PPM1A: variants seen among roughly 807,000 people sequenced by gnomAD.
PPM1A encodes the protein protein phosphatase 1A.
Under a neutral mutation model 35.0 loss-of-function variants are expected in PPM1A, and 7 were observed. The ratio of observed to expected loss-of-function variants is 0.20; its 90% CI spans 0.11 to 0.38. The LOEUF (loss-of-function observed/expected upper bound fraction) is 0.38, where lower values mean the gene tolerates loss of function less well. Ranked by LOEUF, PPM1A falls within the 10% of genes least tolerant of loss-of-function variation. The probability of loss-of-function intolerance (pLI) is 1.00; values close to 1 mark genes in which losing one functional copy is unlikely to be tolerated. For synonymous variants in PPM1A, 153 were observed against 167.3 expected (o/e 0.91, Z 0.66); for missense variants, 239 against 467.8 (o/e 0.51, Z 4.51).
At chr14:60,285,440 T>C (rs1262864558) in intron 2 of PPM1A, among the ~76,000 whole-genome samples, 184 bp from the exon 3 acceptor site, 2 of 151,138 alleles carry the variant, frequency 1.3e-5, no homozygotes, top group Admixed American at 1.3e-4. Context: ...TCTATACTGT[T>C]CGGGGGAGGG....
At chr14:60,277,091 G>T in intron 1 of PPM1A, 1 of 1,147,226 alleles carries the variant, frequency 8.7e-7, no homozygotes. Context: ...TTTATGACTA[G>T]GTGAGAACTA....
In PPM1A at chr14:60,293,495, T is replaced by C. The variant is rs1887827382; in HGVS notation, c.*1013T>C. 1 of 152,052 alleles carries C rather than the reference T, an allele frequency of 6.6e-6. No individual in the cohort carries two copies. The highest frequency in any genetic ancestry group is 2.4e-5 in the African/African-American group (1 of 41,420). 9.4% of individuals were successfully genotyped at this position (152,052 alleles called of 1,614,324 possible). A position where few individuals can be genotyped will look rare whatever the true frequency, so the allele number is the denominator to read the frequency against. ...GTCACTCAAGGCATAGATGAAACTT[T>C]CCTTCCATTAGAAAGACTAAAAGAT... is the stretch of plus-strand genomic sequence containing the variant. On this transcript the variant is annotated 3_prime_UTR_variant, in exon 6 of 6. Transcript: ENST00000395076. The surrounding 1 kb of genome is among the most constrained non-coding windows in gnomAD (Gnocchi z 4.0).
chr14:60,290,817 A>G (rs1245729437), intron 4 of PPM1A, among the ~76,000 whole-genome samples: 2 of 152,210 alleles, frequency 1.3e-5, no homozygotes, highest in South Asian at 2.1e-4. Context: ...GAAACGATCT[A>G]TAAAATTGCT....
intron 1 of PPM1A, among the ~76,000 whole-genome samples, chr14:60,262,556 C>T (rs1486474847): frequency 6.6e-6 from 1 of 152,138 alleles, no homozygotes; most frequent in Non-Finnish European, 1.5e-5. Context: ...CGTGGTGGCA[C>T]ATCTATACTC....
At position 60,287,030 on chromosome 14, in the gene PPM1A, GAAT is replaced by G. The variant is rs1279372183; in HGVS notation, c.952+1294_952+1296del. 2.3e-5 allele frequency: 21 copies of G among 927,514 alleles called. No homozygotes were observed. In the East Asian group the frequency reaches 7.1e-4, roughly 31 times the overall value. The allele number at this position is 927,514 out of a possible 1,614,324, so 57.5% of individuals were successfully genotyped here. On this transcript the variant is annotated intron_variant, in intron 3 of 5. Coordinates refer to ENST00000395076, the MANE Select transcript of PPM1A (RefSeq NM_021003.5). ...TTCATGGGAAAATTTAAATTCATAA[GAAT>G]AATATGTATAGGGATAAGTTGATAT...
At chr14:60,279,031 G>A (rs535614958) in intron 1 of PPM1A, among the ~76,000 whole-genome samples, 8 of 152,188 alleles carry the variant, frequency 5.3e-5, no homozygotes, top group Non-Finnish European at 1.2e-4. Flanking sequence ...GTGCACCTCA[G>A]CTTAGTAAAT....
intron 3 of PPM1A, 53 bp downstream of exon 3, chr14:60,285,794 C>T (rs777555623): frequency 6.3e-7 from 1 of 1,595,044 alleles, no homozygotes; most frequent in Non-Finnish European, 8.5e-7. Context: ...ATCTTCAACA[C>T]AATCAAACTT....
chr14:60,267,032 T>C (rs1222840472), intron 1 of PPM1A, among the ~76,000 whole-genome samples: 2 of 152,336 alleles, frequency 1.3e-5, no homozygotes, highest in East Asian at 3.9e-4. Context: ...TTAATCATTT[T>C]CATATATGGT....
rs943356211 is a variant in PPM1A, at chr14:60,298,445, A to G, written c.*5963A>G. On this transcript the variant is annotated 3_prime_UTR_variant, in exon 6 of 6. Coordinates refer to ENST00000395076, the MANE Select transcript of PPM1A (RefSeq NM_021003.5). ...AATGCACACAGTTAATGAGATTTCTAAAATATAATAAGTACAATGTAACAA... is the reference window on the plus strand; with the variant it reads ...AATGCACACAGTTAATGAGATTTCTGAAATATAATAAGTACAATGTAACAA... 1 of 151,794 alleles carries G rather than the reference A, an allele frequency of 6.6e-6. No individual in the cohort carries two copies. Among genetic ancestry groups the G allele is most frequent in the African/African-American group, 2.4e-5 (1 of 41,422 alleles). 9.4% of individuals were successfully genotyped at this position (151,794 alleles called of 1,614,324 possible).
At position 60,249,826 on chromosome 14, in the gene PPM1A, G is replaced by C; in HGVS notation, c.-21+149G>C. The C allele has an allele frequency of 3.1e-6, 1 of 323,142 alleles. No homozygotes were observed. The highest frequency in any genetic ancestry group is 4.5e-6 in the Non-Finnish European group (1 of 224,472). 20.0% of individuals were successfully genotyped at this position (323,142 alleles called of 1,614,324 possible). On this transcript the variant is annotated intron_variant, in intron 1 of 5. Transcript: ENST00000395076. The surrounding 1 kb of genome is among the most constrained non-coding windows in gnomAD (Gnocchi z 4.5). ...ACGCGACAACTCCACCCCCTGGCCG[G>C]CCTCCTCCCCCGAGCCGGGCGGCGG...
At chr14:60,275,642 A>G (rs1019999993) in intron 1 of PPM1A, among the ~76,000 whole-genome samples, 38 of 152,126 alleles carry the variant, frequency 2.5e-4, no homozygotes, top group Admixed American at 8.5e-4. Flanking sequence ...ATGCACCACT[A>G]TGCCCCGCTA....
Position 60,296,873 on chromosome 14 carries a change from C to G in PPM1A, c.*4391C>G, listed in dbSNP as rs1172868713. On this transcript the variant is annotated 3_prime_UTR_variant, in exon 6 of 6. Transcript: ENST00000395076. This position sits in a 1 kb window ranked among gnomAD's most constrained non-coding sequence, Gnocchi z 4.4. The stretch of plus-strand genomic sequence containing the variant: ...CGTTTTCTAATTTTGTTCACAGATT[C>G]TTTCCCTTTCGATTGTTCTGTATGT... The G allele has an allele frequency of 3.3e-6, 1 of 300,038 alleles. No individual in the cohort carries two copies. The highest frequency in any genetic ancestry group is 6.1e-6 in the Non-Finnish European group (1 of 162,780). 18.6% of individuals were successfully genotyped at this position (300,038 alleles called of 1,614,324 possible). A position where few individuals can be genotyped will look rare whatever the true frequency, so the allele number is the denominator to read the frequency against.
Position 60,293,151 on chromosome 14 carries a change from C to G in PPM1A, c.*669C>G, listed in dbSNP as rs1014260838. The G allele has an allele frequency of 1.3e-5, 2 of 151,926 alleles. No individual in the cohort carries two copies. Among genetic ancestry groups the G allele is most frequent in the Non-Finnish European group, 2.9e-5 (2 of 67,934 alleles). The allele number at this position is 151,926 out of a possible 1,614,324, so 9.4% of individuals were successfully genotyped here. ...AATAATACAGTGTATTCATAAGAAT[C>G]TCAATCTTGGGGCTAAATGCCTTGT... On this transcript the variant is annotated 3_prime_UTR_variant, in exon 6 of 6. Transcript: ENST00000395076. This position sits in a 1 kb window ranked among gnomAD's most constrained non-coding sequence, Gnocchi z 4.0.
In PPM1A at chr14:60,285,705, G is replaced by A; in HGVS notation, c.916G>A (p.Ala306Thr). The change falls in exon 3 of 6, where the codon GCA becomes ACA. Residue 306 changes from alanine (A) to threonine (T), a missense_variant. Around this residue, in one of 2 missense-constraint regions of PPM1A, gnomAD observed 175 missense variants for 389.2 expected, o/e 0.45. Coordinates refer to ENST00000395076, the MANE Select transcript of PPM1A (RefSeq NM_021003.5). ...KVSPEAVKKE[A>T]ELDKYLECRV... Reference sequence around the variant, plus strand: ...ATCGCCAGAAGCAGTGAAGAAGGAGGCAGAGTTGGACAAGTACCTGGAATG... The same window carrying A: ...ATCGCCAGAAGCAGTGAAGAAGGAGACAGAGTTGGACAAGTACCTGGAATG... 1 of 1,613,940 alleles carries A rather than the reference G, an allele frequency of 6.2e-7. No individual in the cohort carries two copies. The highest frequency in any genetic ancestry group is 8.5e-7 in the Non-Finnish European group (1 of 1,179,892).
chr14:60,264,156 A>G (rs1884105956), intron 1 of PPM1A, among the ~76,000 whole-genome samples: 1 of 152,038 alleles, frequency 6.6e-6, no homozygotes, highest in South Asian at 2.1e-4. Context: ...TTTTGTGTGA[A>G]AGTATATTTT....
chr14:60,295,841 G>C lies in PPM1A; in HGVS notation c.*3359G>C, dbSNP rs1343409989. 1 of 151,600 alleles carries C rather than the reference G, an allele frequency of 6.6e-6. No individual in the cohort carries two copies. Among genetic ancestry groups the C allele is most frequent in the African/African-American group, 2.4e-5 (1 of 41,378 alleles). 9.4% of individuals were successfully genotyped at this position (151,600 alleles called of 1,614,324 possible). On this transcript the variant is annotated 3_prime_UTR_variant, in exon 6 of 6. Transcript: ENST00000395076. The stretch of plus-strand genomic sequence containing the variant: ...GGCAGGCCCCTGCCCTAAAGACCTT[G>C]TTTATACTTCCTTTACTCACCTGAA...
intron 1 of PPM1A, among the ~76,000 whole-genome samples, chr14:60,266,013 T>C (rs1297417159): frequency 1.3e-5 from 2 of 152,196 alleles, no homozygotes; most frequent in African/African-American, 2.4e-5. Flanking sequence ...AGAAAGATAC[T>C]AGTTGACTCT....
intron 1 of PPM1A, among the ~76,000 whole-genome samples, chr14:60,254,227 T>C (rs1467860342): frequency 6.6e-6 from 1 of 151,896 alleles, no homozygotes; most frequent in African/African-American, 2.4e-5. Context: ...TTAGAAGACA[T>C]TGTAAACTCT....
At chr14:60,251,696 C>T (rs1243843647) in intron 1 of PPM1A, among the ~76,000 whole-genome samples, 1 of 152,076 alleles carries the variant, frequency 6.6e-6, no homozygotes, top group Non-Finnish European at 1.5e-5. Context: ...TTAGATGTTT[C>T]AGTGTTCTAA....
Sources: allele counts gnomAD v4.1 joint callset (sites outside exome capture counted in the v4.1 genomes callset), GRCh38; gene constraint gnomAD v4.1.1; regional missense constraint gnomAD v4.1.1; non-coding constraint Gnocchi (gnomAD v3.1); transcripts MANE v1.5; gene names NCBI Gene and HGNC (gene_info 2026-07-23, HGNC 2026-07-21).